BTK: variants seen among roughly 807,000 people sequenced by gnomAD.
BTK encodes Bruton tyrosine kinase, also known as tyrosine-protein kinase BTK.
Under a neutral mutation model 57.4 loss-of-function variants are expected in BTK, and 5 were observed. The observed-to-expected ratio is 0.09, with a 90% confidence interval of 0.05 to 0.18. The LOEUF is 0.18. BTK is among the 10% of genes least tolerant of loss of function. The pLI is 1.00. For synonymous variants in BTK, 154 were observed against 174.3 expected, an observed-to-expected ratio of 0.88 and a Z score of 0.92; for missense variants, 194 against 501.2, an observed-to-expected ratio of 0.39 and a Z score of 5.85.
chrX:101,365,419 TG>T (rs1280737454), intron 5 of BTK, among the ~76,000 whole-genome samples: 2 of 112,387 alleles, frequency 1.8e-5, no homozygotes, highest in African/African-American at 3.2e-5. Context: ...AAATAATGTC[TG>T]CCTCTTAAGA....
Position 101,362,054 on chromosome X carries a change from A to C in BTK, c.588+119T>G, listed in dbSNP as rs782395346. On this transcript the variant is annotated intron_variant, in intron 7 of 18. Coordinates refer to ENST00000308731, the MANE Select transcript of BTK (RefSeq NM_000061.3). ...ATTAGAAGAACAAATCCCCCATCTTAGCAAGAATACCAATTAACACTGCCA... is the reference window on the plus strand; with the variant it reads ...ATTAGAAGAACAAATCCCCCATCTTCGCAAGAATACCAATTAACACTGCCA... 112 of 743,339 alleles carry C rather than the reference A, an allele frequency of 1.5e-4. 1 individual carries two copies. In the Middle Eastern group the frequency reaches 1.9e-3, roughly 13 times the overall value. The allele number at this position is 743,339 out of a possible 1,213,427, so 61.3% of individuals were successfully genotyped here.
At chrX:101,376,783 T>A (rs1368759419) in intron 1 of BTK, among the ~76,000 whole-genome samples, 1 of 111,330 alleles carries the variant, frequency 9.0e-6, no homozygotes, top group Non-Finnish European at 1.9e-5. Context: ...CTCCTTATGC[T>A]TTTGGTGGCA....
At chrX:101,377,686 G>T (rs868930177) in intron 1 of BTK, among the ~76,000 whole-genome samples, 2 of 111,366 alleles carry the variant, frequency 1.8e-5, no homozygotes, top group African/African-American at 3.3e-5. Context: ...ACAAGAGGAA[G>T]TCTTCCTCTC....
At chrX:101,351,697 C>T (rs1311454674) in intron 18 of BTK, among the ~76,000 whole-genome samples, 3 of 111,435 alleles carry the variant, frequency 2.7e-5, no homozygotes, top group Non-Finnish European at 5.6e-5. Context: ...GGGAAGAACT[C>T]GAGGTAAGAG....
chrX:101,374,677 G>C (rs1055931109), intron 2 of BTK, 43 bp from the exon 3 acceptor site: 1 of 1,049,957 alleles, frequency 9.5e-7, no homozygotes. Flanking sequence ...AGATTAAGAG[G>C]GATTAAGCAA....
At chrX:101,371,000 C>T (rs782788002) in intron 4 of BTK, among the ~76,000 whole-genome samples, 2 of 112,074 alleles carry the variant, frequency 1.8e-5, no homozygotes, top group South Asian at 7.4e-4. Context: ...GCTCATAAAT[C>T]CATGACAGAA....
At chrX:101,388,707 G>A (rs1927692418), upstream of BTK, among the ~76,000 whole-genome samples, 2 of 112,048 alleles carry the variant, frequency 1.8e-5, no homozygotes, top group African/African-American at 3.2e-5. Flanking sequence ...AGGAGAAAGT[G>A]GAGTAGCAGT....
In BTK at chrX:101,360,539, A is replaced by G. The variant is rs185434160; in HGVS notation, c.776+29T>C. The G allele has an allele frequency of 3.3e-6, 4 of 1,204,824 alleles. No individual in the cohort carries two copies. In the African/African-American group the frequency reaches 7.0e-5, roughly 21 times the overall value. On this transcript the variant is annotated intron_variant, in intron 8 of 18. Coordinates refer to ENST00000308731, the MANE Select transcript of BTK (RefSeq NM_000061.3). ...TGCGTGTAGGGAGTGGGCAGGCACC[A>G]GGCTCAGGAAGGGCTGGTGTGGACT...
At chrX:101,364,380 G>A (rs1160252738) in intron 5 of BTK, among the ~76,000 whole-genome samples, 5 of 97,674 alleles carry the variant, frequency 5.1e-5, no homozygotes, top group African/African-American at 1.6e-4. Context: ...TTGTGCTCCA[G>A]CCTGGCCAAC....
At chrX:101,385,869 G>C (rs1047050038) in intron 1 of BTK, among the ~76,000 whole-genome samples, 193 bp downstream of exon 1, 1 of 111,496 alleles carries the variant, frequency 9.0e-6, no homozygotes, top group Non-Finnish European at 1.9e-5. Context: ...GCCCTTGTCG[G>C]AAAGGACCCT....
intron 18 of BTK, chrX:101,352,914 A>C (rs1926338827): frequency 3.9e-6 from 1 of 253,333 alleles, no homozygotes; most frequent in Non-Finnish European, 6.8e-6. Context: ...AAAAAAAAAA[A>C]AATTAGCTTG....
At chrX:101,355,914 C>T (rs1205474458) in intron 15 of BTK, 138 bp downstream of exon 15, 15 of 659,156 alleles carry the variant, frequency 2.3e-5, no homozygotes, top group South Asian at 6.7e-5. Context: ...GGCAGAGGCA[C>T]GCCTAACTTA....
At chrX:101,390,683 C>T, upstream of BTK, 1 of 469,227 alleles carries the variant, frequency 2.1e-6, no homozygotes, top group Non-Finnish European at 3.8e-6. Context: ...TTCATTCGAC[C>T]CTAGTCCTGG....
intron 7 of BTK, among the ~76,000 whole-genome samples, chrX:101,361,544 T>C (rs533402544): frequency 1.8e-5 from 2 of 109,124 alleles, no homozygotes; most frequent in South Asian, 8.0e-4. Flanking sequence ...GAAGTGTTAG[T>C]GATAGGTGGT....
At chrX:101,370,383 T>A (rs1353568829) in intron 4 of BTK, among the ~76,000 whole-genome samples, 1 of 112,192 alleles carries the variant, frequency 8.9e-6, no homozygotes, top group Non-Finnish European at 1.9e-5. Flanking sequence ...TTGCTGGAGA[T>A]AACATTTTTG....
intron 18 of BTK, chrX:101,352,973 T>G: frequency 2.9e-5 from 11 of 378,813 alleles, no homozygotes; most frequent in East Asian, 1.8e-4. Flanking sequence ...GGCTGAGACA[T>G]GAGAATCGCT....
At chrX:101,353,655 T>C (rs1555977407) in intron 17 of BTK, among the ~76,000 whole-genome samples, 1 of 112,414 alleles carries the variant, frequency 8.9e-6, no homozygotes, top group East Asian at 2.8e-4. Flanking sequence ...ATTGTTTTCC[T>C]TAACATGGTT....
Position 101,385,867 on chromosome X carries a change from C to T in BTK, c.-31+195G>A, listed in dbSNP as rs1555982421. On this transcript the variant is annotated intron_variant, in intron 1 of 18. Transcript: ENST00000308731. Reference sequence around the variant, plus strand: ...TGTTCCGCCCACCCTCAGCCCTTGTCGGAAAGGACCCTTTCGGCCTCTCTA... The same window carrying T: ...TGTTCCGCCCACCCTCAGCCCTTGTTGGAAAGGACCCTTTCGGCCTCTCTA... 2.7e-5 allele frequency among the ~76,000 whole-genome samples: 3 copies of T among 111,582 alleles called. No individual in the cohort carries two copies. In the Admixed American group the frequency reaches 2.8e-4, roughly 11 times the overall value.
chrX:101,378,030 T>TA (rs1230459488), intron 1 of BTK: 1 of 111,528 alleles, frequency 9.0e-6, no homozygotes, highest in Admixed American at 9.5e-5. Flanking sequence ...AGCTCTGAGT[T>TA]AAAAAGTAGT....
Sources: allele counts gnomAD v4.1 joint callset (sites outside exome capture counted in the v4.1 genomes callset), GRCh38; gene constraint gnomAD v4.1.1; transcripts MANE v1.5; gene names NCBI Gene and HGNC (gene_info 2026-07-23, HGNC 2026-07-21).